Variants in RUBCN observed in about 807,000 individuals in gnomAD.
RUBCN encodes the protein run domain Beclin-1-interacting and cysteine-rich domain-containing protein.
Under a neutral mutation model 113.2 loss-of-function variants are expected in RUBCN, and 74 were observed. That is an observed-to-expected ratio of 0.65 (90% CI 0.54 to 0.79). The LOEUF is 0.79. RUBCN is among the 30% of genes least tolerant of loss of function. The probability of loss-of-function intolerance (pLI) is 0.00; values close to 1 mark genes in which losing one functional copy is unlikely to be tolerated. For synonymous variants in RUBCN, 480 were observed against 490.0 expected, an observed-to-expected ratio of 0.98 and a Z score of 0.27; for missense variants, 1,109 against 1,251.7, an observed-to-expected ratio of 0.89 and a Z score of 1.72.
At chr3:197,678,024 C>T (rs1467286893) in intron 16 of RUBCN, among the ~76,000 whole-genome samples, 4 of 127,120 alleles carry the variant, frequency 3.1e-5, no homozygotes, top group Admixed American at 7.9e-5. Flanking sequence ...CGCTCTAACT[C>T]GACAACTGGT....
intron 11 of RUBCN, among the ~76,000 whole-genome samples, chr3:197,690,638 G>A (rs1459482336): frequency 2.0e-5 from 3 of 152,188 alleles, no homozygotes; most frequent in Non-Finnish European, 2.9e-5. Flanking sequence ...TCTAAAAGTT[G>A]GCTCTGCAAA....
At chr3:197,734,452 G>C (rs1420875236) in intron 1 of RUBCN, among the ~76,000 whole-genome samples, 1 of 151,518 alleles carries the variant, frequency 6.6e-6, no homozygotes, top group East Asian at 1.9e-4. Flanking sequence ...GAACTGCCTG[G>C]GTTTGAATCC....
upstream of RUBCN, among the ~76,000 whole-genome samples, chr3:197,737,984 G>A (rs138182923): frequency 2.6e-4 from 40 of 152,186 alleles, no homozygotes; most frequent in East Asian, 7.3e-3. Context: ...GAACTCCTGG[G>A]CTCAAGCAGT....
chr3:197,691,379 C>T (rs566749088), intron 11 of RUBCN, among the ~76,000 whole-genome samples: 1 of 152,078 alleles, frequency 6.6e-6, no homozygotes, highest in East Asian at 1.9e-4. Flanking sequence ...GGTTCTCAGC[C>T]ACGGGTGATT....
At chr3:197,722,948 C>T (rs114152032) in intron 1 of RUBCN, among the ~76,000 whole-genome samples, 2,637 of 152,144 alleles carry the variant, frequency 0.017, 56 homozygotes, top group African/African-American at 0.044. Context: ...GAGAATTTAA[C>T]CCATTTACAT....
intron 1 of RUBCN, among the ~76,000 whole-genome samples, chr3:197,729,306 G>A (rs988069618): frequency 1.2e-4 from 18 of 151,916 alleles, no homozygotes; most frequent in Non-Finnish European, 2.5e-4. Context: ...AGCCTGGAGT[G>A]CAGCGGCGCG....
chr3:197,736,966 G>A (rs554085550), upstream of RUBCN: 43 of 1,278,060 alleles, frequency 3.4e-5, no homozygotes, highest in South Asian at 8.5e-4. Flanking sequence ...GGCCGCTCCC[G>A]CAGGACGCGT....
Position 197,673,847 on chromosome 3 carries a change from C to T in RUBCN, c.*1171G>A, listed in dbSNP as rs1720035630. On this transcript the variant is annotated 3_prime_UTR_variant, in exon 20 of 20. Coordinates refer to ENST00000296343, the MANE Select transcript of RUBCN (RefSeq NM_014687.4). Reference sequence around the variant, plus strand: ...ATAAAGGCTCTTGTTATCCCAAGAACACAGGGACATTCACACTCACATCCA... The same window carrying T: ...ATAAAGGCTCTTGTTATCCCAAGAATACAGGGACATTCACACTCACATCCA... The T allele has an allele frequency of 6.6e-6, 1 of 152,272 alleles. No individual in the cohort carries two copies. The highest frequency in any genetic ancestry group is 1.5e-5 in the Non-Finnish European group (1 of 68,094). The allele number at this position is 152,272 out of a possible 1,614,324, so 9.4% of individuals were successfully genotyped here.
At chr3:197,736,535 A>G (rs1728147502) in intron 1 of RUBCN, 120 bp downstream of exon 1, 1 of 624,618 alleles carries the variant, frequency 1.6e-6, no homozygotes, top group Admixed American at 2.7e-5. Flanking sequence ...AGTCCTCCGC[A>G]GCCGTCGTCC....
At chr3:197,703,685 A>G (rs1723960809) in intron 4 of RUBCN, 31 bp from the exon 5 acceptor site, 3 of 1,438,992 alleles carry the variant, frequency 2.1e-6, no homozygotes, top group Non-Finnish European at 2.9e-6. Context: ...ACAGTGATAG[A>G]GCCCATCAGG....
intron 1 of RUBCN, among the ~76,000 whole-genome samples, chr3:197,744,803 T>C (rs946443004): frequency 1.3e-5 from 2 of 152,124 alleles, no homozygotes; most frequent in South Asian, 2.1e-4. Context: ...AGATCAGTAG[T>C]TGCCTAGATA....
intron 1 of RUBCN, among the ~76,000 whole-genome samples, chr3:197,720,620 T>C (rs925740714): frequency 2.0e-5 from 3 of 152,142 alleles, no homozygotes; most frequent in South Asian, 2.1e-4. Flanking sequence ...ATGGCCAGAC[T>C]GGTCTCAAAC....
intron 7 of RUBCN, among the ~76,000 whole-genome samples, chr3:197,699,480 T>A (rs979862041): frequency 6.6e-6 from 1 of 152,144 alleles, no homozygotes. Flanking sequence ...TCCATATGGA[T>A]TCAAGAATGG....
intron 1 of RUBCN, among the ~76,000 whole-genome samples, chr3:197,734,957 C>G (rs1458331995): frequency 6.6e-6 from 1 of 152,188 alleles, no homozygotes; most frequent in African/African-American, 2.4e-5. Context: ...GTAGAGTCAC[C>G]CTTAAAAATA....
chr3:197,728,454 T>A (rs1199487609), intron 1 of RUBCN, among the ~76,000 whole-genome samples: 2 of 151,936 alleles, frequency 1.3e-5, no homozygotes, highest in Non-Finnish European at 2.9e-5. Context: ...CCTAGAATAA[T>A]CAAACAGGGA....
At position 197,675,397 on chromosome 3, in the gene RUBCN, G is replaced by C; in HGVS notation, c.2740+25C>G. 1 of 1,593,628 alleles carries C rather than the reference G, an allele frequency of 6.3e-7. No homozygotes were observed. The highest frequency in any genetic ancestry group is 8.6e-7 in the Non-Finnish European group (1 of 1,162,156). On this transcript the variant is annotated intron_variant, in intron 19 of 19. Transcript: ENST00000296343. This position sits in a 1 kb window ranked among gnomAD's most constrained non-coding sequence, Gnocchi z 4.4. ...AGGAGCCCTGTGTTCAGGCTCACTTGCCCGATGCCTGCACCTGCCCTCACC... is the reference window on the plus strand; with the variant it reads ...AGGAGCCCTGTGTTCAGGCTCACTTCCCCGATGCCTGCACCTGCCCTCACC...
chr3:197,688,421 G>T (rs1021513264), intron 11 of RUBCN, among the ~76,000 whole-genome samples: 1 of 152,188 alleles, frequency 6.6e-6, no homozygotes. Flanking sequence ...GTGTACTCTT[G>T]AGAGTCTTCT....
intron 1 of RUBCN, among the ~76,000 whole-genome samples, chr3:197,735,168 G>A (rs1278538041): frequency 6.6e-6 from 1 of 152,188 alleles, no homozygotes; most frequent in African/African-American, 2.4e-5. Context: ...GACGTGGCGG[G>A]GGAGAATTGC....
intron 7 of RUBCN, 152 bp downstream of exon 7, chr3:197,700,461 T>C (rs1723516326): frequency 1.4e-6 from 1 of 697,690 alleles, no homozygotes; most frequent in Non-Finnish European, 2.4e-6. Context: ...GTCTCAGTAT[T>C]TCGTTATAAA....
Sources: gnomAD v4.1 joint callset for allele counts (sites outside exome capture counted in the v4.1 genomes callset) on GRCh38, gnomAD v4.1.1 for gene constraint, Gnocchi (gnomAD v3.1) non-coding constraint, MANE v1.5 for transcripts, NCBI Gene and HGNC (gene_info 2026-07-23, HGNC 2026-07-21) for gene names.